The following EXTL3 variants were observed in gnomAD, a reference collection of about 807,000 sequenced individuals.
The protein encoded by EXTL3 is exostosin-like 3.
In EXTL3, 27 loss-of-function variants were observed where a neutral mutation model predicts 69.3. The ratio of observed to expected loss-of-function variants is 0.39; its 90% confidence interval spans 0.29 to 0.54. The LOEUF (loss-of-function observed/expected upper bound fraction) is 0.54. EXTL3 is among the 20% of genes least tolerant of loss of function. The pLI is 0.69. For synonymous variants in EXTL3, 511 were observed against 499.4 expected (o/e 1.02, Z -0.31); for missense variants, 1,003 against 1,231.8 (o/e 0.81, Z 2.78).
intron 1 of EXTL3, among the ~76,000 whole-genome samples, chr8:28,709,204 G>T (rs745428469): frequency 6.6e-6 from 1 of 152,166 alleles, no homozygotes; most frequent in Admixed American, 6.5e-5. Context: ...TGGTTTCCTC[G>T]TGTACAGAAC....
intron 1 of EXTL3, among the ~76,000 whole-genome samples, chr8:28,674,809 C>T (rs1242499487): frequency 1.3e-5 from 2 of 152,190 alleles, no homozygotes; most frequent in Non-Finnish European, 2.9e-5. Context: ...TTCCCAACAA[C>T]CCCAGCAACA....
Position 28,739,408 on chromosome 8 carries a change from C to T in EXTL3, c.2421+1745C>T, listed in dbSNP as rs543213951. Among the ~76,000 whole-genome samples the T allele has an allele frequency of 4.6e-5, 7 of 152,226 alleles. No individual in the cohort carries two copies. In the East Asian group the frequency reaches 7.7e-4, roughly 17 times the overall value. ...ATGGTGGGGTCTCAGCTCATTTTAG[C>T]CTCCACCTCTTGGGCCCAGGTGACC... On this transcript the variant is annotated intron_variant, in intron 5 of 6. Transcript: ENST00000220562.
intron 2 of EXTL3, among the ~76,000 whole-genome samples, chr8:28,612,472 AAAAAAG>A (rs1023014116): frequency 1.3e-5 from 2 of 150,510 alleles, no homozygotes; most frequent in African/African-American, 4.9e-5. Flanking sequence ...TTAAAAAAAA[AAAAAAG>A]AAAAAAGAAA....
chr8:28,713,835 T>G (rs1801080600), intron 2 of EXTL3, among the ~76,000 whole-genome samples: 1 of 152,022 alleles, frequency 6.6e-6, no homozygotes, highest in African/African-American at 2.4e-5. Context: ...ACAAAGTGAC[T>G]CACACCATCA....
At position 28,652,281 on chromosome 8, in the gene EXTL3, G is replaced by T. The variant is rs544744805; in HGVS notation, c.-53+29471G>T. Among the ~76,000 whole-genome samples the T allele has an allele frequency of 5.3e-5, 8 of 152,140 alleles. No individual in the cohort carries two copies. In the East Asian group the frequency reaches 1.3e-3, roughly 26 times the overall value. On this transcript the variant is annotated intron_variant, in intron 1 of 6. Transcript: ENST00000523149. ...AACTGCCAAGCTGTTTTCCACAGTG[G>T]TTGCGTCGCTACATTCCCACCAGCA...
intron 1 of EXTL3, among the ~76,000 whole-genome samples, chr8:28,638,918 A>T (rs1806698972): frequency 6.6e-6 from 1 of 150,796 alleles, no homozygotes; most frequent in African/African-American, 2.4e-5. Flanking sequence ...GGTGTGAGCC[A>T]CTGAGCCTGG....
At chr8:28,649,579 A>G (rs1014869173) in intron 1 of EXTL3, among the ~76,000 whole-genome samples, 3 of 151,792 alleles carry the variant, frequency 2.0e-5, no homozygotes, top group Non-Finnish European at 4.4e-5. Context: ...CATTTTTCTG[A>G]TTGGTTGAAG....
intron 3 of EXTL3, among the ~76,000 whole-genome samples, chr8:28,729,350 A>T (rs1336838914): frequency 1.3e-5 from 2 of 150,304 alleles, no homozygotes; most frequent in Non-Finnish European, 3.0e-5. Context: ...TAGTCCCAGC[A>T]CTTTGGGAGG....
chr8:28,731,883 AATGATGATGATG>A (rs111755341), intron 4 of EXTL3, among the ~76,000 whole-genome samples: 5 of 151,670 alleles, frequency 3.3e-5, no homozygotes, highest in African/African-American at 1.2e-4. Flanking sequence ...AGGTGGTGGT[AATGATGATGATG>A]ATGATGATGG....
intron 1 of EXTL3, among the ~76,000 whole-genome samples, chr8:28,663,608 C>T (rs2130627153): frequency 6.6e-6 from 1 of 152,214 alleles, no homozygotes; most frequent in Non-Finnish European, 1.5e-5. Context: ...CACACCACCA[C>T]ACCCAGCTAA....
At chr8:28,612,250 T>C (rs922367101) in intron 2 of EXTL3, among the ~76,000 whole-genome samples, 2 of 151,984 alleles carry the variant, frequency 1.3e-5, no homozygotes, top group Non-Finnish European at 2.9e-5. Context: ...GGTCAGGAGT[T>C]TAAGACCAGC....
intron 3 of EXTL3, among the ~76,000 whole-genome samples, chr8:28,721,386 C>G (rs1387898563): frequency 6.6e-6 from 1 of 152,220 alleles, no homozygotes; most frequent in Non-Finnish European, 1.5e-5. Context: ...TCCATTCTTT[C>G]TACAGGCTGT....
At chr8:28,723,851 A>G (rs10087413) in intron 3 of EXTL3, among the ~76,000 whole-genome samples, 2,222 of 152,168 alleles carry the variant, frequency 0.015, 47 homozygotes, top group African/African-American at 0.051. Context: ...CATGGTGGCC[A>G]GGCTGGTCTC....
rs749958249 is a variant in EXTL3 at position 28,743,251 on chromosome 8, C to T, written c.2550+37C>T. 2.2e-5 allele frequency: 35 copies of T among 1,613,342 alleles called. 1 individual carries two copies. The highest frequency in any genetic ancestry group is 1.9e-4 in the South Asian group (17 of 91,044). On this transcript the variant is annotated intron_variant, in intron 6 of 6. Coordinates refer to ENST00000220562, the MANE Select transcript of EXTL3 (RefSeq NM_001440.4). Reference sequence around the variant, plus strand: ...CCACTGGTGGGGCTGTGGATGCGTGCATGTTTACTTCACTTGTTTTGCAGT... The same window carrying T: ...CCACTGGTGGGGCTGTGGATGCGTGTATGTTTACTTCACTTGTTTTGCAGT...
chr8:28,613,474 G>A (rs1186634071), intron 2 of EXTL3, among the ~76,000 whole-genome samples: 5 of 152,166 alleles, frequency 3.3e-5, no homozygotes, highest in African/African-American at 9.7e-5. Context: ...GAGCCACTGC[G>A]CCTGGCCCTA....
upstream of EXTL3, among the ~76,000 whole-genome samples, chr8:28,621,410 C>A (rs1806407801): frequency 6.6e-6 from 1 of 152,168 alleles, no homozygotes; most frequent in Non-Finnish European, 1.5e-5. Flanking sequence ...GAACTGGAAC[C>A]AACACTGCCC....
intron 1 of EXTL3, among the ~76,000 whole-genome samples, chr8:28,635,174 G>A (rs924809834): frequency 2.0e-5 from 3 of 151,950 alleles, no homozygotes; most frequent in Non-Finnish European, 4.4e-5. Flanking sequence ...GAAGGCCTAG[G>A]GTGGCAACGT....
intron 6 of EXTL3, among the ~76,000 whole-genome samples, chr8:28,746,988 A>G (rs1052550550): frequency 7.5e-6 from 1 of 132,626 alleles, no homozygotes; most frequent in Non-Finnish European, 1.6e-5. Context: ...TGTTTTTTTT[A>G]CTGATGGATT....
intron 1 of EXTL3, among the ~76,000 whole-genome samples, chr8:28,638,506 T>C (rs989722496): frequency 1.3e-5 from 2 of 152,302 alleles, no homozygotes; most frequent in Admixed American, 6.5e-5. Context: ...GCAGCCTCTT[T>C]CCAAGTGATG....
Sources: gnomAD v4.1 joint callset for allele counts (sites outside exome capture counted in the v4.1 genomes callset) on GRCh38, gnomAD v4.1.1 for gene constraint, MANE v1.5 for transcripts, NCBI Gene and HGNC (gene_info 2026-07-23, HGNC 2026-07-21) for gene names.